Variants in CFAP96 observed in about 807,000 individuals in gnomAD.
CFAP96 encodes cilia-and flagella-associated protein 96.
chr4:185,440,285 T>A, the CFAP96 span, among the ~76,000 whole-genome samples: 2 of 152,236 alleles, frequency 1.3e-5, no homozygotes, highest in Admixed American at 1.3e-4. Context: ...TAATATAGAT[T>A]CGTTCAGGTG....
At chr4:185,434,314 TTTATTC>T in the CFAP96 span, among the ~76,000 whole-genome samples, 1 of 152,238 alleles carries the variant, frequency 6.6e-6, no homozygotes, top group African/African-American at 2.4e-5. Context: ...ATTTGAATTA[TTTATTC>T]TTATTATTAC....
At chr4:185,449,186 G>C in the CFAP96 span, among the ~76,000 whole-genome samples, 2 of 152,118 alleles carry the variant, frequency 1.3e-5, no homozygotes, top group African/African-American at 4.8e-5. Flanking sequence ...ATGTTACAAA[G>C]TATATTTGTT....
At chr4:185,432,252 C>G in the CFAP96 span, 3 of 1,319,020 alleles carry the variant, frequency 2.3e-6, no homozygotes, top group Non-Finnish European at 3.1e-6. Flanking sequence ...ACCTTTATCC[C>G]TAAATTAAAT....
At chr4:185,443,317 TA>T in the CFAP96 span, among the ~76,000 whole-genome samples, 4 of 49,298 alleles carry the variant, frequency 8.1e-5, no homozygotes, top group African/African-American at 1.9e-4. Flanking sequence ...TATTATTTTT[TA>T]TGTATATATA....
At chr4:185,422,455 T>C in the CFAP96 span, 4 of 1,538,138 alleles carry the variant, frequency 2.6e-6, no homozygotes, top group South Asian at 2.3e-5. Flanking sequence ...ATCAATTTTC[T>C]AATAAAAAAG....
the CFAP96 span, among the ~76,000 whole-genome samples, chr4:185,425,505 G>A: frequency 6.6e-6 from 1 of 152,202 alleles, no homozygotes; most frequent in Non-Finnish European, 1.5e-5. Flanking sequence ...AACCAGGGGA[G>A]GGAAATACCA....
chr4:185,436,320 C>T, the CFAP96 span: 1 of 1,551,094 alleles, frequency 6.4e-7, no homozygotes, highest in Non-Finnish European at 8.7e-7. Flanking sequence ...AGTTTTCACA[C>T]TCTGCCGACT....
chr4:185,433,392 ATCTC>A, the CFAP96 span, among the ~76,000 whole-genome samples: 2 of 66,636 alleles, frequency 3.0e-5, no homozygotes, highest in Non-Finnish European at 3.3e-5. Flanking sequence ...CTGAGACTCC[ATCTC>A]AAAAAAAAAA....
At chr4:185,416,481 C>T in the CFAP96 span, among the ~76,000 whole-genome samples, 2 of 152,152 alleles carry the variant, frequency 1.3e-5, no homozygotes, top group African/African-American at 4.8e-5. Flanking sequence ...TTACACTAAA[C>T]TTATTTCGCA....
At chr4:185,421,227 A>G in the CFAP96 span, among the ~76,000 whole-genome samples, 1 of 152,184 alleles carries the variant, frequency 6.6e-6, no homozygotes, top group African/African-American at 2.4e-5. Context: ...AGTTGAAGGG[A>G]TGGGTGGAAA....
At chr4:185,437,075 G>T in the CFAP96 span, among the ~76,000 whole-genome samples, 1 of 152,026 alleles carries the variant, frequency 6.6e-6, no homozygotes, top group Admixed American at 6.6e-5. Context: ...ATACTTTTGG[G>T]CTGATCAAGA....
chr4:185,418,069 A>ACACACACACACACACACACACACACAC, the CFAP96 span, among the ~76,000 whole-genome samples: 6 of 22,782 alleles, frequency 2.6e-4, no homozygotes, highest in African/African-American at 1.1e-3. Flanking sequence ...CACACACACA[A>ACACACACACACACACACACACACACAC]ACAACAGAAC....
the CFAP96 span, among the ~76,000 whole-genome samples, chr4:185,436,712 A>AATAAT: frequency 6.9e-6 from 1 of 144,130 alleles, no homozygotes. Context: ...TCCGTCTCAA[A>AATAAT]AATAATAATA....
the CFAP96 span, among the ~76,000 whole-genome samples, chr4:185,421,022 G>A: frequency 6.6e-6 from 1 of 152,152 alleles, no homozygotes; most frequent in Non-Finnish European, 1.5e-5. Context: ...TAACATTTTA[G>A]GAACAGCTAC....
chr4:185,441,650 T>G, the CFAP96 span, among the ~76,000 whole-genome samples: 1 of 151,402 alleles, frequency 6.6e-6, no homozygotes, highest in African/African-American at 2.4e-5. Flanking sequence ...TACTAAAAAT[T>G]TAATTTCTTT....
At chr4:185,448,909 T>A in the CFAP96 span, among the ~76,000 whole-genome samples, 1 of 152,222 alleles carries the variant, frequency 6.6e-6, no homozygotes, top group Non-Finnish European at 1.5e-5. Flanking sequence ...ATTATTCTTT[T>A]GAAAAATCTG....
the CFAP96 span, among the ~76,000 whole-genome samples, chr4:185,423,758 G>A: frequency 6.6e-6 from 1 of 151,882 alleles, no homozygotes; most frequent in Non-Finnish European, 1.5e-5. Flanking sequence ...CATTGTTTGT[G>A]TACACATATA....
the CFAP96 span, among the ~76,000 whole-genome samples, chr4:185,443,333 TA>T: frequency 0.066 from 2,310 of 34,770 alleles, 42 homozygotes; most frequent in Non-Finnish European, 0.11. Context: ...TATATATATA[TA>T]TATATATATT....
At chr4:185,420,539 GATAA>G in the CFAP96 span, among the ~76,000 whole-genome samples, 19 of 152,166 alleles carry the variant, frequency 1.2e-4, no homozygotes, top group East Asian at 3.5e-3. Context: ...CTGGTATCTT[GATAA>G]ATAAATACTT....
Sources: allele counts gnomAD v4.1 joint callset (sites outside exome capture counted in the v4.1 genomes callset), GRCh38; gene constraint gnomAD v4.1.1; transcripts MANE v1.5; gene names NCBI Gene and HGNC (gene_info 2026-07-23, HGNC 2026-07-21).